LCN6: variants seen among roughly 807,000 people sequenced by gnomAD.
The protein encoded by LCN6 is lipocalin 6, also known as epididymal-specific lipocalin-6.
In LCN6, 20 loss-of-function variants were observed where a neutral mutation model predicts 21.4. The observed-to-expected ratio is 0.93, with a 90% confidence interval of 0.66 to 1.36. The LOEUF (loss-of-function observed/expected upper bound fraction) is 1.36, where lower values mean the gene tolerates loss of function less well. LCN6 is among the 40% of genes most tolerant of loss of function. The pLI is 0.00. For missense variants in LCN6, 217 were observed against 206.6 expected, an observed-to-expected ratio of 1.05 and a Z score of -0.31; for synonymous variants, 96 against 89.0, an observed-to-expected ratio of 1.08 and a Z score of -0.44.
chr9:136,747,661 G>GC (rs1269898859), intron 1 of LCN6, 98 bp from the exon 2 acceptor site: 3 of 880,812 alleles, frequency 3.4e-6, no homozygotes, highest in African/African-American at 6.2e-5. Context: ...CAAACCTCCA[G>GC]CCTCAGCCTC....
intron 2 of LCN6, 134 bp downstream of exon 2, chr9:136,747,290 A>G: frequency 9.9e-6 from 10 of 1,007,240 alleles, no homozygotes; most frequent in Non-Finnish European, 1.4e-5. Context: ...GCCCAGTGGG[A>G]AAAGTGACGG....
In LCN6 at chr9:136,745,277, AT is replaced by A. The variant is rs1847022265; in HGVS notation, c.304del (p.Ile102Ter). 1.2e-6 allele frequency: 2 copies of A among 1,610,702 alleles called. No individual in the cohort carries two copies. The highest frequency in any genetic ancestry group is 1.7e-6 in the Non-Finnish European group (2 of 1,177,454). On this transcript the variant is annotated frameshift_variant and splice_region_variant, in exon 4 of 7. Coordinates refer to ENST00000341206, the MANE Select transcript of LCN6 (RefSeq NM_198946.3). LOFTEE classifies it high-confidence loss of function. The part of the protein sequence containing the change: ...NSGWVFENPS[I>X]GVLELWVLAT... ...CAGCACCCAGAGCTCCAGCACGCCT[AT>A]TGCTAGGAAACAAAACCCCCCGCCT...
In LCN6 at chr9:136,744,579, G is replaced by A. The variant is rs1291720375; in HGVS notation, c.*22+61C>T. On this transcript the variant is annotated intron_variant, in intron 5 of 6. Coordinates refer to ENST00000341206, the MANE Select transcript of LCN6 (RefSeq NM_198946.3). This position sits in a 1 kb window ranked among gnomAD's most constrained non-coding sequence, Gnocchi z 4.2. ...CCCAGGGTCTCTGTCACCCCATCAC[G>A]CCCTGTGGGCTCCAGAACTTGCCCC... 20 of 1,055,670 alleles carry A rather than the reference G, an allele frequency of 1.9e-5. No homozygotes were observed. Among genetic ancestry groups the A allele is most frequent in the Middle Eastern group, 2.0e-4 (1 of 5,006 alleles). The allele number at this position is 1,055,670 out of a possible 1,614,324, so 65.4% of individuals were successfully genotyped here.
chr9:136,745,671 A>G, intron 3 of LCN6, 173 bp downstream of exon 3: 2 of 663,008 alleles, frequency 3.0e-6, no homozygotes, highest in Non-Finnish European at 5.3e-6. Context: ...CAAGGTTCCA[A>G]TCCTCTGTCC....
In LCN6 at chr9:136,745,931, C is replaced by T. The variant is rs999876440; in HGVS notation, c.231-17G>A. The T allele has an allele frequency of 6.2e-7, 1 of 1,612,670 alleles. No homozygotes were observed. Among genetic ancestry groups the T allele is most frequent in the Non-Finnish European group, 8.5e-7 (1 of 1,179,206 alleles). On this transcript the variant is annotated splice_polypyrimidine_tract_variant and intron_variant, in intron 2 of 6. Transcript: ENST00000341206. ...CCTCCCAGCCTGGAAAAGAAGGGGC[C>T]TGTCACCCACTCAGGGTCAAGACCC...
At position 136,747,749 on chromosome 9, in the gene LCN6, G is replaced by GCCTCCAC. The variant is rs1847066248; in HGVS notation, c.91-193_91-187dup. The stretch of plus-strand genomic sequence containing the variant: ...CAGCCTTCCAGCCCTGCAGCCTCCA[G>GCCTCCAC]CCTCCACCCTCCAACCATCCAGCCC... On this transcript the variant is annotated intron_variant, in intron 1 of 6. Coordinates refer to ENST00000341206, the MANE Select transcript of LCN6 (RefSeq NM_198946.3). 4.4e-5 allele frequency among the ~76,000 whole-genome samples: 5 copies of GCCTCCAC among 113,068 alleles called. No homozygotes were observed. The South Asian group carries it at 1.3e-3, about 30-fold the overall frequency. The allele number at this position is 113,068 out of a possible 152,430, so 74.2% of individuals were successfully genotyped here.
At position 136,748,380 on chromosome 9, in the gene LCN6, C is replaced by T; in HGVS notation, c.90+14G>A. On this transcript the variant is annotated intron_variant, in intron 1 of 6. Coordinates refer to ENST00000341206, the MANE Select transcript of LCN6 (RefSeq NM_198946.3). ...CCCGAGGACCAGCTCTCCCCACCCC[C>T]AGGAGGACTGTACCTGCTCAGGGTC... 1 of 1,606,528 alleles carries T rather than the reference C, an allele frequency of 6.2e-7. No individual in the cohort carries two copies. Among genetic ancestry groups the T allele is most frequent in the Non-Finnish European group, 8.5e-7 (1 of 1,176,450 alleles).
rs1847022145 is a variant in LCN6 at position 136,745,275 on chromosome 9, C to T, written c.307G>A (p.Gly103Ser). Residue 103 changes from glycine to serine, a missense_variant, in exon 4 of 7, where the codon GGC becomes AGC. Gly to Ser is a moderately conservative substitution (Grantham distance 56, BLOSUM62 0). Transcript: ENST00000341206. ...SGWVFENPSI[G>S]VLELWVLATN... Reference sequence around the variant, plus strand: ...GCCAGCACCCAGAGCTCCAGCACGCCTATTGCTAGGAAACAAAACCCCCCG... The same window carrying T: ...GCCAGCACCCAGAGCTCCAGCACGCTTATTGCTAGGAAACAAAACCCCCCG... The T allele has an allele frequency of 6.2e-7, 1 of 1,611,608 alleles. No homozygotes were observed. Among genetic ancestry groups the T allele is most frequent in the East Asian group, 2.2e-5 (1 of 44,870 alleles).
intron 2 of LCN6, among the ~76,000 whole-genome samples, chr9:136,747,211 A>C (rs1847050514): frequency 6.6e-6 from 1 of 152,124 alleles, no homozygotes; most frequent in Admixed American, 6.5e-5. Flanking sequence ...TGAAGGTGGG[A>C]GTGCCACCTG....
At position 136,744,393 on chromosome 9, in the gene LCN6, A is replaced by C; in HGVS notation, c.*23-29T>G. ...GAAGGGGAGGCAAGACTGGCTGTGA[A>C]AAAGGACTGAGCCCCCCAGCACCCC... On this transcript the variant is annotated intron_variant, in intron 5 of 6. Coordinates refer to ENST00000341206, the MANE Select transcript of LCN6 (RefSeq NM_198946.3). The surrounding 1 kb of genome is among the most constrained non-coding windows in gnomAD (Gnocchi z 4.2). 2.3e-6 allele frequency: 1 copy of C among 437,092 alleles called. No homozygotes were observed. 27.1% of individuals were successfully genotyped at this position (437,092 alleles called of 1,614,324 possible). A position where few individuals can be genotyped will look rare whatever the true frequency, so the allele number is the denominator to read the frequency against.
At chr9:136,745,957 C>CG (rs764885948) in intron 2 of LCN6, 43 bp from the exon 3 acceptor site, 1 of 1,580,202 alleles carries the variant, frequency 6.3e-7, no homozygotes, top group Non-Finnish European at 8.7e-7. Flanking sequence ...GTCAAGACCC[C>CG]GGGGCCCGGT....
Position 136,744,665 on chromosome 9 carries a change from CTG to C in LCN6, c.487_488del (p.Gln163ValfsTer?). 1 of 1,606,834 alleles carries C rather than the reference CTG, an allele frequency of 6.2e-7. No homozygotes were observed. Among genetic ancestry groups the C allele is most frequent in the Non-Finnish European group, 8.5e-7 (1 of 1,175,328 alleles). ...KWSRSLGFLS[Q>X] Reference sequence around the variant, plus strand: ...GGTCCTTCTGCAGCTGGGCCTGCTACTGTGACAGGAAGCCCAGGCTCCTGCTC... The same window carrying C: ...GGTCCTTCTGCAGCTGGGCCTGCTACTGACAGGAAGCCCAGGCTCCTGCTC... On this transcript the variant is annotated frameshift_variant, in exon 5 of 7. Transcript: ENST00000341206. LOFTEE classifies it high-confidence loss of function. This position sits in a 1 kb window ranked among gnomAD's most constrained non-coding sequence, Gnocchi z 4.2.
Position 136,744,429 on chromosome 9 carries a change from C to T in LCN6, c.*23-65G>A. Reference sequence around the variant, plus strand: ...GCCCCCCAGCACCCCAGGGCCCCACCCACAAGACTCGCCTGCCGTGGGGAC... The same window carrying T: ...GCCCCCCAGCACCCCAGGGCCCCACTCACAAGACTCGCCTGCCGTGGGGAC... On this transcript the variant is annotated intron_variant, in intron 5 of 6. Coordinates refer to ENST00000341206, the MANE Select transcript of LCN6 (RefSeq NM_198946.3). The surrounding 1 kb of genome is among the most constrained non-coding windows in gnomAD (Gnocchi z 4.2). The T allele has an allele frequency of 2.0e-6, 1 of 495,934 alleles. No individual in the cohort carries two copies. The highest frequency in any genetic ancestry group is 3.7e-6 in the Non-Finnish European group (1 of 273,226). 30.7% of individuals were successfully genotyped at this position (495,934 alleles called of 1,614,324 possible).
Position 136,744,548 on chromosome 9 carries a change from A to G in LCN6, c.*22+92T>C. The G allele has an allele frequency of 1.3e-6, 1 of 791,568 alleles. No homozygotes were observed. Among genetic ancestry groups the G allele is most frequent in the Non-Finnish European group, 2.1e-6 (1 of 482,624 alleles). The allele number at this position is 791,568 out of a possible 1,614,324, so 49.0% of individuals were successfully genotyped here. A position where few individuals can be genotyped will look rare whatever the true frequency, so the allele number is the denominator to read the frequency against. On this transcript the variant is annotated intron_variant, in intron 5 of 6. Transcript: ENST00000341206. The surrounding 1 kb of genome is among the most constrained non-coding windows in gnomAD (Gnocchi z 4.2). The stretch of plus-strand genomic sequence containing the variant: ...GCGACTGAGTCAGGCAGAAGCCAGA[A>G]TCAACCCCAGGGTCTCTGTCACCCC...
chr9:136,745,923 G>C lies in LCN6; in HGVS notation c.231-9C>G, dbSNP rs374026940. On this transcript the variant is annotated splice_polypyrimidine_tract_variant and intron_variant, in intron 2 of 6. Coordinates refer to ENST00000341206, the MANE Select transcript of LCN6 (RefSeq NM_198946.3). ...GGTCACACCCTCCCAGCCTGGAAAA[G>C]AAGGGGCCTGTCACCCACTCAGGGT... The C allele has an allele frequency of 8.7e-5, 140 of 1,613,418 alleles. No individual in the cohort carries two copies. The African/African-American group carries it at 1.7e-3, about 20-fold the overall frequency.
In LCN6 at chr9:136,747,433, G is replaced by A. The variant is rs1452787906; in HGVS notation, c.221C>T (p.Ser74Phe). 1.2e-6 allele frequency: 2 copies of A among 1,613,136 alleles called. No individual in the cohort carries two copies. Among genetic ancestry groups the A allele is most frequent in the Non-Finnish European group, 1.7e-6 (2 of 1,179,822 alleles). The change falls in exon 2 of 7, where the codon TCT becomes TTT. Residue 74 changes from serine to phenylalanine, a missense_variant. Ser to Phe is a radical substitution (Grantham distance 155). Coordinates refer to ENST00000341206, the MANE Select transcript of LCN6 (RefSeq NM_198946.3). ...TPENNLRTLSSQHGLGGCDQS... is the reference protein window; with the variant it reads ...TPENNLRTLSFQHGLGGCDQS... ...GGACCCGCCCACTCACCCGTGCTGA[G>A]AGGACAGCGTCCGCAGGTTGTTTTC...
rs1056851123 is a variant in LCN6 at position 136,745,286 on chromosome 9, A to G, written c.302-6T>C. The G allele has an allele frequency of 1.2e-6, 2 of 1,600,330 alleles. No individual in the cohort carries two copies. Among genetic ancestry groups the G allele is most frequent in the African/African-American group, 2.7e-5 (2 of 74,026 alleles). On this transcript the variant is annotated splice_polypyrimidine_tract_variant and splice_region_variant and intron_variant, in intron 3 of 6. Coordinates refer to ENST00000341206, the MANE Select transcript of LCN6 (RefSeq NM_198946.3). ...GAGCTCCAGCACGCCTATTGCTAGGAAACAAAACCCCCCGCCTCAGGGGAG... is the reference window on the plus strand; with the variant it reads ...GAGCTCCAGCACGCCTATTGCTAGGGAACAAAACCCCCCGCCTCAGGGGAG...
rs1270624140 is a variant in LCN6, at chr9:136,747,728, CT to C, written c.91-166del. On this transcript the variant is annotated intron_variant, in intron 1 of 6. Coordinates refer to ENST00000341206, the MANE Select transcript of LCN6 (RefSeq NM_198946.3). ...AGCCTCCAACCCTCCAGCCTCCAGC[CT>C]TCCAGCCCTGCAGCCTCCAGCCTCC... is the stretch of plus-strand genomic sequence containing the variant. Among the ~76,000 whole-genome samples, 55 of 139,840 alleles carry C rather than the reference CT, an allele frequency of 3.9e-4. 1 individual carries two copies. The highest frequency in any genetic ancestry group is 1.6e-3 in the African/African-American group (53 of 32,866). The allele number at this position is 139,840 out of a possible 152,430, so 91.7% of individuals were successfully genotyped here.
At position 136,744,417 on chromosome 9, in the gene LCN6, C is replaced by G. The variant is rs1264507887; in HGVS notation, c.*23-53G>C. On this transcript the variant is annotated intron_variant, in intron 5 of 6. Coordinates refer to ENST00000341206, the MANE Select transcript of LCN6 (RefSeq NM_198946.3). The surrounding 1 kb of genome is among the most constrained non-coding windows in gnomAD (Gnocchi z 4.2). Reference sequence around the variant, plus strand: ...AAAAAGGACTGAGCCCCCCAGCACCCCAGGGCCCCACCCACAAGACTCGCC... The same window carrying G: ...AAAAAGGACTGAGCCCCCCAGCACCGCAGGGCCCCACCCACAAGACTCGCC... The G allele has an allele frequency of 2.0e-6, 1 of 489,054 alleles. No homozygotes were observed. The highest frequency in any genetic ancestry group is 1.9e-5 in the African/African-American group (1 of 52,274). The allele number at this position is 489,054 out of a possible 1,614,324, so 30.3% of individuals were successfully genotyped here.
Sources: allele counts gnomAD v4.1 joint callset (sites outside exome capture counted in the v4.1 genomes callset), GRCh38; gene constraint gnomAD v4.1.1; non-coding constraint Gnocchi (gnomAD v3.1); transcripts MANE v1.5; gene names NCBI Gene and HGNC (gene_info 2026-07-23, HGNC 2026-07-21).